The following KLHDC1 variants were observed in gnomAD, a reference collection of about 807,000 sequenced individuals.
The protein encoded by KLHDC1 is kelch domain-containing protein 1.
Under a neutral mutation model 68.3 loss-of-function variants are expected in KLHDC1, and 53 were observed. The ratio of observed to expected loss-of-function variants is 0.78; its 90% confidence interval spans 0.62 to 0.98. KLHDC1 has a LOEUF of 0.98. Among genes scored for constraint, KLHDC1 ranks in the 50% least tolerant of loss-of-function variants. The pLI is 0.00. For missense variants in KLHDC1, 470 were observed against 492.3 expected (o/e 0.95, Z 0.43); for synonymous variants, 148 against 159.0 (o/e 0.93, Z 0.52).
At chr14:49,710,153 C>T (rs1888160785) in intron 3 of KLHDC1, 110 bp from the exon 4 acceptor site, 2 of 614,260 alleles carry the variant, frequency 3.3e-6, no homozygotes, top group Non-Finnish European at 5.7e-6. Context: ...AGGTAACAAG[C>T]TTACCTATTA....
At chr14:49,722,233 A>T (rs1038693427) in intron 4 of KLHDC1, among the ~76,000 whole-genome samples, 2 of 152,202 alleles carry the variant, frequency 1.3e-5, no homozygotes, top group Admixed American at 6.5e-5. Flanking sequence ...ACCCATTAAC[A>T]CATCATTTAC....
intron 1 of KLHDC1, 67 bp from the exon 2 acceptor site, chr14:49,709,092 C>G: frequency 1.5e-6 from 1 of 686,820 alleles, no homozygotes. Flanking sequence ...TTTTCTCATC[C>G]TGAGAAGCTG....
intron 8 of KLHDC1, among the ~76,000 whole-genome samples, chr14:49,731,620 C>G (rs1888811706): frequency 6.6e-6 from 1 of 152,112 alleles, no homozygotes; most frequent in African/African-American, 2.4e-5. Context: ...CAGGCACATG[C>G]TACCAGGCCC....
intron 6 of KLHDC1, 42 bp from the exon 7 acceptor site, chr14:49,728,884 A>G: frequency 7.5e-7 from 1 of 1,332,276 alleles, no homozygotes; most frequent in Non-Finnish European, 1.1e-6. Context: ...TTTATTACAG[A>G]TATTTCAAGT....
rs376398071 is a variant in KLHDC1, at chr14:49,693,257, C to G, written c.63C>G (p.Asp21Glu). Residue 21 changes from aspartate (D) to glutamate (E), a missense_variant, in exon 1 of 13, where the codon GAC (aspartate) becomes GAG (glutamate). Asp to Glu is a conservative substitution (Grantham distance 45, BLOSUM62 2). Transcript: ENST00000359332. ...GCAGCGGCCACTGCGCCGTGGTGGA[C>G]GGAAACTTCCTCTACGTGTGGGGGG... Reference protein sequence around the residue: ...EERSGHCAVVDGNFLYVWGGY... With the variant: ...EERSGHCAVVEGNFLYVWGGY... 8.3e-6 allele frequency: 13 copies of G among 1,567,136 alleles called. 1 individual carries two copies. The highest frequency in any genetic ancestry group is 1.8e-5 in the Admixed American group (1 of 54,546).
At chr14:49,710,499 A>G in intron 4 of KLHDC1, 118 bp downstream of exon 4, 1 of 613,304 alleles carries the variant, frequency 1.6e-6, no homozygotes, top group Non-Finnish European at 3.0e-6. Flanking sequence ...TGATTTTCTA[A>G]ATAATCAATA....
rs1888413549 is a variant in KLHDC1 at position 49,717,597 on chromosome 14, T to C, written c.405-6277T>C. ...TACGTTACGGTAGTACTTTATGTAT[T>C]CTGGGTGTTGATCCCTTATCAGATA... On this transcript the variant is annotated intron_variant, in intron 4 of 12. Coordinates refer to ENST00000359332, the MANE Select transcript of KLHDC1 (RefSeq NM_172193.3). Among the ~76,000 whole-genome samples the C allele has an allele frequency of 2.6e-5, 4 of 152,366 alleles. No individual in the cohort carries two copies. The South Asian group carries it at 8.3e-4, about 32-fold the overall frequency.
At chr14:49,736,172 T>G (rs1331938710) in intron 10 of KLHDC1, among the ~76,000 whole-genome samples, 2 of 152,192 alleles carry the variant, frequency 1.3e-5, no homozygotes, top group Non-Finnish European at 2.9e-5. Context: ...TTGCTCCTAT[T>G]TTATATTTCA....
chr14:49,693,386 C>A (rs1396586508), intron 1 of KLHDC1, 96 bp downstream of exon 1: 4 of 911,514 alleles, frequency 4.4e-6, no homozygotes, highest in Non-Finnish European at 4.5e-6. Context: ...AGGCTGCGGC[C>A]CAGGCCTGGC....
At chr14:49,694,075 A>G (rs1415043207) in intron 1 of KLHDC1, among the ~76,000 whole-genome samples, 1 of 152,018 alleles carries the variant, frequency 6.6e-6, no homozygotes, top group African/African-American at 2.4e-5. Context: ...TTTCTAAGCT[A>G]TTTTTAGTGG....
Position 49,700,246 on chromosome 14 carries a change from C to G in KLHDC1, c.96+6956C>G, listed in dbSNP as rs568403275. 6 of 179,352 alleles carry G rather than the reference C, an allele frequency of 3.3e-5. No individual in the cohort carries two copies. In the East Asian group the frequency reaches 5.6e-4, roughly 17 times the overall value. 11.1% of individuals were successfully genotyped at this position (179,352 alleles called of 1,614,324 possible). Reference sequence around the variant, plus strand: ...TTCACCATGTTGGTCAGGCTGGTCTCGAACTCCTGACCTCAATTGATCCAC... The same window carrying G: ...TTCACCATGTTGGTCAGGCTGGTCTGGAACTCCTGACCTCAATTGATCCAC... On this transcript the variant is annotated intron_variant, in intron 1 of 12. Coordinates refer to ENST00000359332, the MANE Select transcript of KLHDC1 (RefSeq NM_172193.3).
intron 7 of KLHDC1, 44 bp downstream of exon 7, chr14:49,729,053 C>G (rs1411481292): frequency 7.7e-7 from 1 of 1,303,192 alleles, no homozygotes; most frequent in South Asian, 1.2e-5. Flanking sequence ...TGCAATGCTC[C>G]TTATAAAAAT....
intron 10 of KLHDC1, among the ~76,000 whole-genome samples, chr14:49,737,880 A>AC (rs1262967208): frequency 2.0e-5 from 3 of 151,624 alleles, no homozygotes; most frequent in Non-Finnish European, 2.9e-5. Context: ...AAAAAAAAAA[A>AC]AAAAAACAAG....
intron 11 of KLHDC1, among the ~76,000 whole-genome samples, chr14:49,741,302 A>ATTTT (rs1889058438): frequency 6.6e-6 from 1 of 151,462 alleles, no homozygotes; most frequent in Non-Finnish European, 1.5e-5. Flanking sequence ...AAATATTCCA[A>ATTTT]GTATATTATT....
rs1454446958 is a variant in KLHDC1 at position 49,709,716 on chromosome 14, C to T, written c.175C>T (p.His59Tyr). The T allele has an allele frequency of 5.1e-6, 8 of 1,567,586 alleles. No individual in the cohort carries two copies. Among genetic ancestry groups the T allele is most frequent in the Non-Finnish European group, 6.9e-6 (8 of 1,153,276 alleles). The change falls in exon 3 of 13, where the codon CAC becomes TAC. Residue 59 changes from histidine to tyrosine, a missense_variant. Coordinates refer to ENST00000359332, the MANE Select transcript of KLHDC1 (RefSeq NM_172193.3). ...YDIDSGLWRM[H>Y]LMEGELPASM... ...ATGTTATTCTTGCTGCAGGAGAATGCACCTCATGGAAGGAGAACTCCCAGC... is the reference window on the plus strand; with the variant it reads ...ATGTTATTCTTGCTGCAGGAGAATGTACCTCATGGAAGGAGAACTCCCAGC...
At chr14:49,701,435 G>A (rs1887901989) in intron 1 of KLHDC1, among the ~76,000 whole-genome samples, 1 of 151,828 alleles carries the variant, frequency 6.6e-6, no homozygotes, top group Non-Finnish European at 1.5e-5. Context: ...CAAAGTGGAT[G>A]GATCAACTGA....
Position 49,723,951 on chromosome 14 carries a change from G to C in KLHDC1, c.482G>C (p.Trp161Ser). The change falls in exon 5 of 13, where the codon TGG becomes TCG. Residue 161 changes from tryptophan (W) to serine (S), a missense_variant and splice_region_variant. Transcript: ENST00000359332. ...QDCFDVHDAS[W>S]EEQIFWGWHN... is the part of the protein sequence containing the mutation. ...TGTTTTGATGTTCATGATGCATCTT[G>C]GGTAAGATAGTAATCACTGTTTACA... 6.3e-7 allele frequency: 1 copy of C among 1,574,828 alleles called. No individual in the cohort carries two copies. Among genetic ancestry groups the C allele is most frequent in the African/African-American group, 1.3e-5 (1 of 74,288 alleles).
chr14:49,713,435 C>T (rs1253816866), intron 4 of KLHDC1, among the ~76,000 whole-genome samples: 2 of 152,010 alleles, frequency 1.3e-5, no homozygotes, highest in Non-Finnish European at 2.9e-5. Context: ...AAGAAACTTT[C>T]TTTAACTGTT....
intron 1 of KLHDC1, among the ~76,000 whole-genome samples, chr14:49,697,270 A>G (rs972875529): frequency 2.0e-5 from 3 of 152,164 alleles, no homozygotes; most frequent in African/African-American, 7.2e-5. Context: ...CTGAGGGAAT[A>G]AGGAGGTCCA....
Sources: allele counts gnomAD v4.1 joint callset (sites outside exome capture counted in the v4.1 genomes callset), GRCh38; gene constraint gnomAD v4.1.1; transcripts MANE v1.5; gene names NCBI Gene and HGNC (gene_info 2026-07-23, HGNC 2026-07-21).